The following PDE6D variants were observed in gnomAD, a reference collection of about 807,000 sequenced individuals.
PDE6D encodes retinal rod rhodopsin-sensitive cGMP 3',5'-cyclic phosphodiesterase subunit delta.
A neutral mutation model predicts 21.9 loss-of-function variants in PDE6D; 10 were observed. That is an observed-to-expected ratio of 0.46 (90% CI 0.28 to 0.78). The LOEUF is 0.78. Among genes scored for constraint, PDE6D ranks in the 30% least tolerant of loss-of-function variants. PDE6D has a pLI of 0.12. For missense variants in PDE6D, 139 were observed against 184.8 expected, an observed-to-expected ratio of 0.75 and a Z score of 1.44; for synonymous variants, 59 against 63.5, an observed-to-expected ratio of 0.93 and a Z score of 0.34.
intron 1 of PDE6D, among the ~76,000 whole-genome samples, chr2:231,763,178 A>G (rs938221151): frequency 6.6e-6 from 1 of 152,186 alleles, no homozygotes; most frequent in African/African-American, 2.4e-5. Flanking sequence ...GCAGAAATTC[A>G]GAGAGAGTAT....
chr2:231,768,878 T>C (rs1339404719), intron 1 of PDE6D, among the ~76,000 whole-genome samples: 1 of 151,960 alleles, frequency 6.6e-6, no homozygotes, highest in East Asian at 1.9e-4. Flanking sequence ...TATCATTTTC[T>C]TTTTTTTGAG....
At chr2:231,761,955 C>A (rs115772492) in intron 1 of PDE6D, among the ~76,000 whole-genome samples, 1 of 152,082 alleles carries the variant, frequency 6.6e-6, no homozygotes, top group South Asian at 2.1e-4. Flanking sequence ...ATCTTTGTGA[C>A]GACATTCCTC....
chr2:231,757,523 C>T (rs2048892549), intron 1 of PDE6D, among the ~76,000 whole-genome samples: 1 of 152,162 alleles, frequency 6.6e-6, no homozygotes, highest in Non-Finnish European at 1.5e-5. Flanking sequence ...GTCTCCTGAC[C>T]TCAGGTGATC....
At chr2:231,757,518 C>T (rs950444756) in intron 1 of PDE6D, among the ~76,000 whole-genome samples, 2 of 152,164 alleles carry the variant, frequency 1.3e-5, no homozygotes, top group African/African-American at 4.8e-5. Context: ...GGCTAGTCTC[C>T]TGACCTCAGG....
intron 1 of PDE6D, among the ~76,000 whole-genome samples, chr2:231,766,732 C>T (rs1262963978): frequency 6.6e-6 from 1 of 152,052 alleles, no homozygotes; most frequent in Non-Finnish European, 1.5e-5. Flanking sequence ...GTGGCTCATG[C>T]CTATTATCCC....
intron 2 of PDE6D, 144 bp downstream of exon 2, chr2:231,738,956 A>C (rs940761657): frequency 1.6e-5 from 9 of 573,454 alleles, no homozygotes; most frequent in Non-Finnish European, 2.5e-5. Flanking sequence ...AAAGTAACTG[A>C]AACTGTCAAC....
At chr2:231,733,703 C>T (rs1053447051) in intron 4 of PDE6D, among the ~76,000 whole-genome samples, 1 of 152,166 alleles carries the variant, frequency 6.6e-6, no homozygotes, top group South Asian at 2.1e-4. Flanking sequence ...GCCCAGCTCT[C>T]CCCCTTAGTC....
In PDE6D at chr2:231,739,248, A is replaced by T. The variant is rs2048728455; in HGVS notation, c.51-60T>A. ...GAAAGTGACTCCCACTTTGTATTCT[A>T]GGTGTCTCATGTTTACTCCCACCAA... On this transcript the variant is annotated intron_variant, in intron 1 of 4. Coordinates refer to ENST00000287600, the MANE Select transcript of PDE6D (RefSeq NM_002601.4). The surrounding 1 kb of genome is among the most constrained non-coding windows in gnomAD (Gnocchi z 4.2). The T allele has an allele frequency of 9.6e-7, 1 of 1,041,466 alleles. No homozygotes were observed. Among genetic ancestry groups the T allele is most frequent in the Admixed American group, 1.7e-5 (1 of 59,264 alleles). 64.5% of individuals were successfully genotyped at this position (1,041,466 alleles called of 1,614,324 possible). A position where few individuals can be genotyped will look rare whatever the true frequency, so the allele number is the denominator to read the frequency against.
intron 1 of PDE6D, among the ~76,000 whole-genome samples, chr2:231,761,102 T>G (rs1297859701): frequency 2.6e-5 from 4 of 152,268 alleles, no homozygotes; most frequent in African/African-American, 7.2e-5. Context: ...TCTGAGACCA[T>G]TTCTATAAAA....
At chr2:231,733,252 A>G (rs1361789304) in intron 4 of PDE6D, among the ~76,000 whole-genome samples, 1 of 152,196 alleles carries the variant, frequency 6.6e-6, no homozygotes, top group African/African-American at 2.4e-5. Flanking sequence ...CAAGCTCACA[A>G]ATCAGAAGTG....
At chr2:231,766,202 G>A (rs971978743) in intron 1 of PDE6D, among the ~76,000 whole-genome samples, 1 of 152,166 alleles carries the variant, frequency 6.6e-6, no homozygotes, top group African/African-American at 2.4e-5. Flanking sequence ...CTCTTGTGCT[G>A]GCAAAGTTAC....
At position 231,781,235 on chromosome 2, in the gene PDE6D, G is replaced by A. The variant is rs890656784; in HGVS notation, c.-121C>T. 1.8e-5 allele frequency: 16 copies of A among 886,344 alleles called. No homozygotes were observed. In the Admixed American group the frequency reaches 3.3e-4, roughly 18 times the overall value. The allele number at this position is 886,344 out of a possible 1,614,324, so 54.9% of individuals were successfully genotyped here. ...GAGACCTCGGGCTAGCAGCCGCAGCGGCCAGACCAGGACCGGCCTCTCTCT... is the reference window on the plus strand; with the variant it reads ...GAGACCTCGGGCTAGCAGCCGCAGCAGCCAGACCAGGACCGGCCTCTCTCT... On this transcript the variant is annotated 5_prime_UTR_variant, in exon 1 of 5. Transcript: ENST00000287600.
At chr2:231,775,388 C>T (rs1017554714) in intron 1 of PDE6D, among the ~76,000 whole-genome samples, 1 of 151,784 alleles carries the variant, frequency 6.6e-6, no homozygotes, top group African/African-American at 2.4e-5. Flanking sequence ...TGGCTCACTG[C>T]GACCTCCACC....
chr2:231,732,740 T>G lies in PDE6D; in HGVS notation c.*212A>C. 3.9e-6 allele frequency: 2 copies of G among 508,460 alleles called. No individual in the cohort carries two copies. 31.5% of individuals were successfully genotyped at this position (508,460 alleles called of 1,614,324 possible). A position where few individuals can be genotyped will look rare whatever the true frequency, so the allele number is the denominator to read the frequency against. On this transcript the variant is annotated 3_prime_UTR_variant, in exon 5 of 5. Coordinates refer to ENST00000287600, the MANE Select transcript of PDE6D (RefSeq NM_002601.4). ...CCCTGCCCTGGTCTGGGGTTGGGAG[T>G]TTAGTCTGGTCAGCTGGAAGATGGT...
At chr2:231,733,902 C>A (rs2048671759) in intron 4 of PDE6D, among the ~76,000 whole-genome samples, 1 of 152,024 alleles carries the variant, frequency 6.6e-6, no homozygotes, top group African/African-American at 2.4e-5. Flanking sequence ...TTTAGGGCAA[C>A]TGTTTTTGGG....
At chr2:231,780,216 C>A (rs1159497968) in intron 1 of PDE6D, among the ~76,000 whole-genome samples, 1 of 152,174 alleles carries the variant, frequency 6.6e-6, no homozygotes, top group Non-Finnish European at 1.5e-5. Flanking sequence ...CCCACTCTAT[C>A]CTACCGTGGC....
In PDE6D at chr2:231,739,426, G is replaced by T; in HGVS notation, c.51-238C>A. ...AGAATCCTAAGACTGCACACACCTA[G>T]AGACTGCAAGAAAGGGACAGAAAAC... On this transcript the variant is annotated intron_variant, in intron 1 of 4. Transcript: ENST00000287600. The surrounding 1 kb of genome is among the most constrained non-coding windows in gnomAD (Gnocchi z 4.2). 1.7e-6 allele frequency: 1 copy of T among 577,294 alleles called. No homozygotes were observed. The highest frequency in any genetic ancestry group is 3.3e-5 in the East Asian group (1 of 29,892). The allele number at this position is 577,294 out of a possible 1,614,324, so 35.8% of individuals were successfully genotyped here. A position where few individuals can be genotyped will look rare whatever the true frequency, so the allele number is the denominator to read the frequency against.
At chr2:231,735,360 C>T (rs912651549) in intron 4 of PDE6D, among the ~76,000 whole-genome samples, 10 of 142,798 alleles carry the variant, frequency 7.0e-5, no homozygotes, top group African/African-American at 2.1e-4. Flanking sequence ...AGTGCAGAGG[C>T]GTGATCTCGG....
At chr2:231,755,936 T>C (rs938459850) in intron 1 of PDE6D, among the ~76,000 whole-genome samples, 1 of 151,678 alleles carries the variant, frequency 6.6e-6, no homozygotes, top group Non-Finnish European at 1.5e-5. Flanking sequence ...AAAAAAATTA[T>C]ATATATAAAG....
Sources: allele counts gnomAD v4.1 joint callset (sites outside exome capture counted in the v4.1 genomes callset), GRCh38; gene constraint gnomAD v4.1.1; non-coding constraint Gnocchi (gnomAD v3.1); transcripts MANE v1.5; gene names NCBI Gene and HGNC (gene_info 2026-07-23, HGNC 2026-07-21).